The following TTC14 variants were observed in gnomAD, a reference collection of about 807,000 sequenced individuals.
The protein encoded by TTC14 is tetratricopeptide repeat protein 14.
Under a neutral mutation model 79.9 loss-of-function variants are expected in TTC14, and 63 were observed. The ratio of observed to expected loss-of-function variants is 0.79; its 90% confidence interval spans 0.64 to 0.97. The LOEUF (loss-of-function observed/expected upper bound fraction) is 0.97, where lower values mean the gene tolerates loss of function less well. TTC14 is among the 50% of genes least tolerant of loss of function. The pLI, the probability that TTC14 is intolerant of heterozygous loss-of-function variation, is 0.00. For synonymous variants in TTC14, 335 were observed against 309.6 expected (o/e 1.08, Z -0.86); for missense variants, 895 against 894.0 (o/e 1.00, Z -0.01).
At chr3:180,605,540 CAA>C in intron 6 of TTC14, 1 of 376,412 alleles carries the variant, frequency 2.7e-6, no homozygotes, top group Non-Finnish European at 4.7e-6. Context: ...CTCGACCTCC[CAA>C]AGTGTTGGGA....
In TTC14 at chr3:180,602,367, G is replaced by A. The variant is rs936349939; in HGVS notation, c.106G>A (p.Gly36Arg). 1 of 1,611,636 alleles carries A rather than the reference G, an allele frequency of 6.2e-7. No individual in the cohort carries two copies. Among genetic ancestry groups the A allele is most frequent in the African/African-American group, 1.3e-5 (1 of 75,004 alleles). ...CAATCCACACTTCCGTAGCCTCCTGGGGTCGGCCGCCGAGCCAGCCCGGGG... is the reference window on the plus strand; with the variant it reads ...CAATCCACACTTCCGTAGCCTCCTGAGGTCGGCCGCCGAGCCAGCCCGGGG... ...QDNPHFRSLL[G>R]SAAEPARGPP... Residue 36 changes from glycine to arginine, a missense_variant, in exon 1 of 12, where the codon GGG becomes AGG. Coordinates refer to ENST00000296015, the MANE Select transcript of TTC14 (RefSeq NM_133462.4).
intron 1 of TTC14, chr3:180,602,661 A>T: frequency 1.4e-6 from 1 of 703,598 alleles, no homozygotes; most frequent in Non-Finnish European, 2.3e-6. Flanking sequence ...TTAGCTAAAA[A>T]TCCCTTGAGC....
chr3:180,615,615 CTT>C (rs1314615471), downstream of TTC14, among the ~76,000 whole-genome samples: 4 of 151,876 alleles, frequency 2.6e-5, no homozygotes, highest in Non-Finnish European at 4.4e-5. Context: ...AAATGAAACA[CTT>C]TTTTTAGGGG....
In TTC14 at chr3:180,607,639, C is replaced by A; in HGVS notation, c.1173-9C>A. On this transcript the variant is annotated splice_polypyrimidine_tract_variant and intron_variant, in intron 9 of 11. Coordinates refer to ENST00000296015, the MANE Select transcript of TTC14 (RefSeq NM_133462.4). ...TTACAAAAAAGCTAAATCTTTCTTT[C>A]AAATTTAGGTTAGAAGAAGAAGAAA... 1 of 1,594,742 alleles carries A rather than the reference C, an allele frequency of 6.3e-7. No individual in the cohort carries two copies. Among genetic ancestry groups the A allele is most frequent in the South Asian group, 1.1e-5 (1 of 87,504 alleles).
chr3:180,615,010 C>A (rs771944752), downstream of TTC14: 1 of 1,560,412 alleles, frequency 6.4e-7, no homozygotes, highest in South Asian at 1.2e-5. Context: ...GAAGAGGAGG[C>A]CGGGAATTTA....
chr3:180,602,435 TG>T lies in TTC14; in HGVS notation c.161+15del. ...CGTTGCAGGGCAGGTAATGAGACGTTGGTGCCACTGCGCCACGGAAGAGGGG... is the reference window on the plus strand; with the variant it reads ...CGTTGCAGGGCAGGTAATGAGACGTTGTGCCACTGCGCCACGGAAGAGGGG... On this transcript the variant is annotated intron_variant, in intron 1 of 11. Coordinates refer to ENST00000296015, the MANE Select transcript of TTC14 (RefSeq NM_133462.4). 1 of 1,592,268 alleles carries T rather than the reference TG, an allele frequency of 6.3e-7. No individual in the cohort carries two copies. The highest frequency in any genetic ancestry group is 8.5e-7 in the Non-Finnish European group (1 of 1,174,570).
chr3:180,608,421 C>A, intron 10 of TTC14: 1 of 1,001,236 alleles, frequency 1.0e-6, no homozygotes, highest in Non-Finnish European at 1.2e-6. Context: ...ACCTTTCTTG[C>A]ACTCTGGGTC....
Position 180,609,648 on chromosome 3 carries a change from A to AAAATC in TTC14, c.1422_1426dup (p.Thr476AsnfsTer55). 6.4e-7 allele frequency: 1 copy of AAAATC among 1,562,790 alleles called. No individual in the cohort carries two copies. Among genetic ancestry groups the AAAATC allele is most frequent in the African/African-American group, 1.4e-5 (1 of 72,514 alleles). On this transcript the variant is annotated frameshift_variant, in exon 12 of 12. Coordinates refer to ENST00000296015, the MANE Select transcript of TTC14 (RefSeq NM_133462.4). LOFTEE classifies it high-confidence loss of function. Reference sequence around the variant, plus strand: ...TTTTTAGGCTAAAGAAGAAAAGAAGAAAATCAACTTCTTCTTCAAGTGTTT... The same window carrying AAAATC: ...TTTTTAGGCTAAAGAAGAAAAGAAGAAAATCAAATCAACTTCTTCTTCAAGTGTTT...
chr3:180,602,625 C>T (rs1417382628), intron 1 of TTC14: 4 of 753,264 alleles, frequency 5.3e-6, no homozygotes, highest in Non-Finnish European at 8.3e-6. Flanking sequence ...TTTTCTCTGG[C>T]ACTGCTTGGT....
chr3:180,606,898 G>C (rs1716728198), intron 9 of TTC14, among the ~76,000 whole-genome samples: 1 of 152,080 alleles, frequency 6.6e-6, no homozygotes, highest in South Asian at 2.1e-4. Flanking sequence ...TCTATTTAAT[G>C]ATTGGAGCAG....
chr3:180,612,260 A>AT (rs973770731), downstream of TTC14, among the ~76,000 whole-genome samples: 1 of 151,910 alleles, frequency 6.6e-6, no homozygotes, highest in Non-Finnish European at 1.5e-5. Flanking sequence ...CATTTAAAAA[A>AT]TTTTTTTTTC....
Position 180,610,355 on chromosome 3 carries a change from AAGG to A in TTC14, c.2129_2131del (p.Gly710del). ...CAAAGATACCGTTTAAATACAAATCAAGGAGAATATGAAAGAGAGGACAATTAT... is the reference window on the plus strand; with the variant it reads ...CAAAGATACCGTTTAAATACAAATCAAGAATATGAAAGAGAGGACAATTAT... On this transcript the variant is annotated inframe_deletion, in exon 12 of 12. Coordinates refer to ENST00000296015, the MANE Select transcript of TTC14 (RefSeq NM_133462.4). The A allele has an allele frequency of 6.2e-7, 1 of 1,613,402 alleles. No individual in the cohort carries two copies. The highest frequency in any genetic ancestry group is 8.5e-7 in the Non-Finnish European group (1 of 1,179,788).
intron 7 of TTC14, 120 bp from the exon 8 acceptor site, chr3:180,606,133 C>G: frequency 7.2e-7 from 1 of 1,383,584 alleles, no homozygotes; most frequent in Non-Finnish European, 9.9e-7. Context: ...ATTGTGAGTA[C>G]TCTGAAAACT....
intron 1 of TTC14, 25 bp downstream of exon 1, chr3:180,602,447 G>T (rs1309055332): frequency 1.9e-6 from 3 of 1,581,008 alleles, no homozygotes; most frequent in South Asian, 1.1e-5. Context: ...GTGCCACTGC[G>T]CCACGGAAGA....
At chr3:180,617,427 G>A in exon 13 of TTC14, 1 of 675,204 alleles carries the variant, frequency 1.5e-6, no homozygotes, top group Non-Finnish European at 2.7e-6. Flanking sequence ...GCCTCAGGCA[G>A]GTCCTTCAGG....
In TTC14 at chr3:180,610,891, T is replaced by G. The variant is rs1285106570; in HGVS notation, c.*349T>G. 3 of 987,772 alleles carry G rather than the reference T, an allele frequency of 3.0e-6. No individual in the cohort carries two copies. The highest frequency in any genetic ancestry group is 1.1e-4 in the East Asian group (1 of 8,928). 61.2% of individuals were successfully genotyped at this position (987,772 alleles called of 1,614,324 possible). ...TTATTCTGCTGTTTGAGAGAAAAAT[T>G]TGTGCATTGAACACTTGGATCATTT... On this transcript the variant is annotated 3_prime_UTR_variant, in exon 12 of 12. Coordinates refer to ENST00000296015, the MANE Select transcript of TTC14 (RefSeq NM_133462.4).
intron 2 of TTC14, 48 bp from the exon 3 acceptor site, chr3:180,603,076 C>A (rs772216948): frequency 2.5e-6 from 4 of 1,610,352 alleles, no homozygotes; most frequent in Non-Finnish European, 3.4e-6. Flanking sequence ...TCAGGTGAAA[C>A]GGAACTCAAA....
chr3:180,610,660 A>C lies in TTC14; in HGVS notation c.*118A>C, dbSNP rs1716953791. 1 of 1,452,142 alleles carries C rather than the reference A, an allele frequency of 6.9e-7. No individual in the cohort carries two copies. The highest frequency in any genetic ancestry group is 2.8e-5 in the Admixed American group (1 of 35,220). 90.0% of individuals were successfully genotyped at this position (1,452,142 alleles called of 1,614,324 possible). A position where few individuals can be genotyped will look rare whatever the true frequency, so the allele number is the denominator to read the frequency against. On this transcript the variant is annotated 3_prime_UTR_variant, in exon 12 of 12. Transcript: ENST00000296015. Reference sequence around the variant, plus strand: ...TTCTAAAATTATTTGTAGAGATTACAGGAAACAAATGCTTTTAAGTAAGTT... The same window carrying C: ...TTCTAAAATTATTTGTAGAGATTACCGGAAACAAATGCTTTTAAGTAAGTT...
downstream of TTC14, chr3:180,614,814 A>G: frequency 1.0e-6 from 1 of 970,050 alleles, no homozygotes; most frequent in Non-Finnish European, 1.5e-6. Flanking sequence ...TACACTTACC[A>G]CTAAGTTTTT....
Sources: gnomAD v4.1 joint callset for allele counts (sites outside exome capture counted in the v4.1 genomes callset) on GRCh38, gnomAD v4.1.1 for gene constraint, MANE v1.5 for transcripts, NCBI Gene and HGNC (gene_info 2026-07-23, HGNC 2026-07-21) for gene names.